DHRSX: variants seen among roughly 807,000 people sequenced by gnomAD.
DHRSX encodes polyprenol dehydrogenase.
In DHRSX, 31 loss-of-function variants were observed where a neutral mutation model predicts 34.0. The ratio of observed to expected loss-of-function variants is 0.91; its 90% CI spans 0.69 to 1.23. The LOEUF (loss-of-function observed/expected upper bound fraction) is 1.23. Among genes scored for constraint, DHRSX ranks in the 50% most tolerant of loss-of-function variants. The probability of loss-of-function intolerance (pLI) is 0.00; values close to 1 mark genes in which losing one functional copy is unlikely to be tolerated. For missense variants in DHRSX, 414 were observed against 428.1 expected, an observed-to-expected ratio of 0.97 and a Z score of 0.29; for synonymous variants, 201 against 183.8, an observed-to-expected ratio of 1.09 and a Z score of -0.76.
At chrX:2,259,103 T>C (rs1160350609) in intron 5 of DHRSX, among the ~76,000 whole-genome samples, 4 of 151,952 alleles carry the variant, frequency 2.6e-5, no homozygotes, top group Admixed American at 2.6e-4. Context: ...TGAACCCCCG[T>C]CTCTACTAAA....
At chrX:2,323,892 A>G (rs746627346) in intron 3 of DHRSX, among the ~76,000 whole-genome samples, 1 of 152,072 alleles carries the variant, frequency 6.6e-6, no homozygotes, top group South Asian at 2.1e-4. Context: ...GAAATGACTT[A>G]AGCAGATAGT....
chrX:2,327,319 GCTCT>G (rs763594359), intron 3 of DHRSX, among the ~76,000 whole-genome samples: 2 of 152,196 alleles, frequency 1.3e-5, no homozygotes, highest in East Asian at 1.9e-4. Flanking sequence ...CTGTGGACAT[GCTCT>G]CTGTCTCTTA....
At chrX:2,437,603 CA>C (rs1269145013) in intron 1 of DHRSX, among the ~76,000 whole-genome samples, 10 of 70,628 alleles carry the variant, frequency 1.4e-4, no homozygotes, top group Non-Finnish European at 1.6e-4. Flanking sequence ...GACCCTGTCT[CA>C]AAAAAAAAAG....
At chrX:2,368,437 A>G (rs912048936) in intron 3 of DHRSX, among the ~76,000 whole-genome samples, 3 of 152,164 alleles carry the variant, frequency 2.0e-5, no homozygotes, top group African/African-American at 7.2e-5. Flanking sequence ...GCGTCTTTCA[A>G]ATGTGTGAAA....
At chrX:2,359,671 C>G (rs1290482999) in intron 3 of DHRSX, among the ~76,000 whole-genome samples, 2 of 151,468 alleles carry the variant, frequency 1.3e-5, no homozygotes, top group African/African-American at 4.9e-5. Context: ...CACAGCGAGA[C>G]TCCATATCAA....
At chrX:2,423,137 G>A (rs1410357607) in intron 2 of DHRSX, among the ~76,000 whole-genome samples, 1 of 150,566 alleles carries the variant, frequency 6.6e-6, no homozygotes, top group Non-Finnish European at 1.5e-5. Context: ...CCAGGGCCAG[G>A]CACGGTGGTT....
chrX:2,266,646 G>GAT, intron 5 of DHRSX, 94 bp downstream of exon 5: 1 of 1,264,438 alleles, frequency 7.9e-7, no homozygotes, highest in Non-Finnish European at 1.2e-6. Flanking sequence ...GCGTCCAGCA[G>GAT]ATGCAGGGAG....
intron 3 of DHRSX, among the ~76,000 whole-genome samples, chrX:2,298,298 C>T (rs1784264649): frequency 7.0e-6 from 1 of 143,478 alleles, no homozygotes; most frequent in Admixed American, 7.0e-5. Flanking sequence ...TTCTATTGTG[C>T]AAGTTCCCCA....
chrX:2,358,182 C>G (rs1384670137), intron 3 of DHRSX, among the ~76,000 whole-genome samples: 1 of 152,146 alleles, frequency 6.6e-6, no homozygotes, highest in South Asian at 2.1e-4. Context: ...AGAGCTTCTG[C>G]ACAGCCCAGG....
chrX:2,323,219 G>A (rs2042334809), intron 3 of DHRSX, among the ~76,000 whole-genome samples: 1 of 152,174 alleles, frequency 6.6e-6, no homozygotes, highest in Admixed American at 6.6e-5. Flanking sequence ...TAAAGACTCA[G>A]GTAGCCAAGC....
chrX:2,294,462 C>T (rs1401826811), intron 3 of DHRSX, among the ~76,000 whole-genome samples: 1 of 151,848 alleles, frequency 6.6e-6, no homozygotes, highest in Non-Finnish European at 1.5e-5. Context: ...GTCAGGAGTT[C>T]GAGACCAGCC....
At chrX:2,229,245 G>A (rs1370886411) in intron 6 of DHRSX, among the ~76,000 whole-genome samples, 3 of 152,132 alleles carry the variant, frequency 2.0e-5, no homozygotes, top group Non-Finnish European at 4.4e-5. Flanking sequence ...TTCCCAAGGA[G>A]AGTTTCCACG....
At chrX:2,366,327 G>C (rs1452951065) in intron 3 of DHRSX, among the ~76,000 whole-genome samples, 1 of 151,846 alleles carries the variant, frequency 6.6e-6, no homozygotes, top group Non-Finnish European at 1.5e-5. Flanking sequence ...TGTAATCCCA[G>C]CTACTCGGGA....
chrX:2,425,390 A>T (rs1168844837), intron 1 of DHRSX, 86 bp from the exon 2 acceptor site: 17 of 1,144,698 alleles, frequency 1.5e-5, no homozygotes, highest in Non-Finnish European at 2.0e-5. Flanking sequence ...GAGAGGCAAG[A>T]TGCCAAAGGG....
intron 1 of DHRSX, chrX:2,488,939 C>T (rs141579040): frequency 1.3e-6 from 2 of 1,597,360 alleles, no homozygotes; most frequent in Non-Finnish European, 1.7e-6. Flanking sequence ...GAGGGCCAGG[C>T]GGTCTGACCA....
At chrX:2,494,431 T>C (rs2045232370) in intron 1 of DHRSX, among the ~76,000 whole-genome samples, 1 of 151,998 alleles carries the variant, frequency 6.6e-6, no homozygotes, top group South Asian at 2.1e-4. Flanking sequence ...GAGGTCCCAG[T>C]AACAGAACAA....
At chrX:2,360,322 C>T (rs953872556) in intron 3 of DHRSX, among the ~76,000 whole-genome samples, 34 of 152,290 alleles carry the variant, frequency 2.2e-4, no homozygotes, top group Middle Eastern at 3.4e-3. Flanking sequence ...TGGTGGCTCA[C>T]GCCTGTAATC....
chrX:2,359,805 C>A (rs1422505382), intron 3 of DHRSX, among the ~76,000 whole-genome samples: 2 of 152,108 alleles, frequency 1.3e-5, no homozygotes, highest in African/African-American at 4.8e-5. Flanking sequence ...CGATTATCCT[C>A]AGCAAACTAT....
chrX:2,295,539 C>A (rs1229567507), intron 3 of DHRSX, among the ~76,000 whole-genome samples: 1 of 152,056 alleles, frequency 6.6e-6, no homozygotes, highest in Admixed American at 6.5e-5. Flanking sequence ...CAAACTTGCA[C>A]GTTCTGTACA....
Sources: allele counts gnomAD v4.1 joint callset (sites outside exome capture counted in the v4.1 genomes callset), GRCh38; gene constraint gnomAD v4.1.1; transcripts MANE v1.5; gene names NCBI Gene and HGNC (gene_info 2026-07-23, HGNC 2026-07-21).